Variants in MAP3K7 observed in about 807,000 individuals in gnomAD.
MAP3K7 encodes the protein mitogen-activated protein kinase kinase kinase 7.
MAP3K7 carries 21 observed loss-of-function variants against 84.8 expected under a neutral mutation model. The observed-to-expected ratio is 0.25, with a 90% CI of 0.18 to 0.36. The LOEUF is 0.36. MAP3K7 is among the 10% of genes least tolerant of loss of function. The pLI, the probability that MAP3K7 is intolerant of heterozygous loss-of-function variation, is 1.00. For missense variants in MAP3K7, 503 were observed against 747.7 expected (o/e 0.67, Z 3.82); for synonymous variants, 241 against 247.7 (o/e 0.97, Z 0.25).
chr6:90,536,410 A>G lies in MAP3K7; in HGVS notation c.1292-9T>C. On this transcript the variant is annotated splice_polypyrimidine_tract_variant and intron_variant, in intron 12 of 16. Transcript: ENST00000369329. ...TCTTGGCTGTCCGTTGCCTTTAAAA[A>G]GAAGAAAAAAAGTAAAATACTAAAA... 6.2e-7 allele frequency: 1 copy of G among 1,608,696 alleles called. No homozygotes were observed. The highest frequency in any genetic ancestry group is 8.5e-7 in the Non-Finnish European group (1 of 1,175,938).
At chr6:90,577,619 G>A (rs1214398882) in intron 1 of MAP3K7, among the ~76,000 whole-genome samples, 1 of 152,210 alleles carries the variant, frequency 6.6e-6, no homozygotes, top group Non-Finnish European at 1.5e-5. Flanking sequence ...CAAACTAGGA[G>A]AGAGTCAGAG....
At chr6:90,576,347 T>C (rs1338098431) in intron 1 of MAP3K7, among the ~76,000 whole-genome samples, 1 of 150,920 alleles carries the variant, frequency 6.6e-6, no homozygotes, top group Non-Finnish European at 1.5e-5. Flanking sequence ...GGCGTGAACC[T>C]GAGAGGCCGA....
In MAP3K7 at chr6:90,519,290, T is replaced by C. The variant is rs750911139; in HGVS notation, c.1492A>G (p.Met498Val). ...TGGTGATCCAGTGTAAGATAAGCCA[T>C]TGGGATGGAGTTATCTGATCCATTG... ...DTNGSDNSIPMAYLTLDHQLQ... is the reference protein window; with the variant it reads ...DTNGSDNSIPVAYLTLDHQLQ... Residue 498 changes from methionine (M) to valine (V), a missense_variant, in exon 15 of 17, where the codon ATG (methionine) becomes GTG (valine). By Grantham distance (21) the Met-to-Val change is conservative. Coordinates refer to ENST00000369329, the MANE Select transcript of MAP3K7 (RefSeq NM_145331.3). The C allele has an allele frequency of 1.3e-6, 2 of 1,588,368 alleles. No individual in the cohort carries two copies. The highest frequency in any genetic ancestry group is 1.7e-6 in the Non-Finnish European group (2 of 1,169,854).
chr6:90,569,779 ACTT>A (rs1209551101), intron 2 of MAP3K7, among the ~76,000 whole-genome samples: 1 of 152,012 alleles, frequency 6.6e-6, no homozygotes, highest in Non-Finnish European at 1.5e-5. Context: ...CTGTCTTCAA[ACTT>A]CTTTCTATTA....
At chr6:90,537,938 C>T (rs1775731177) in intron 12 of MAP3K7, among the ~76,000 whole-genome samples, 1 of 151,880 alleles carries the variant, frequency 6.6e-6, no homozygotes, top group Non-Finnish European at 1.5e-5. Context: ...TGAGGAACCA[C>T]CCGACACATG....
chr6:90,516,103 G>A lies in MAP3K7; in HGVS notation c.*398C>T, dbSNP rs1298353915. 5.6e-6 allele frequency: 1 copy of A among 179,324 alleles called. No homozygotes were observed. The highest frequency in any genetic ancestry group is 1.2e-5 in the Non-Finnish European group (1 of 86,140). The allele number at this position is 179,324 out of a possible 1,614,324, so 11.1% of individuals were successfully genotyped here. Reference sequence around the variant, plus strand: ...AAAAATTATTAATATTTTGAGATGAGATACAAGAATAAAGTCATTCTTGAG... The same window carrying A: ...AAAAATTATTAATATTTTGAGATGAAATACAAGAATAAAGTCATTCTTGAG... On this transcript the variant is annotated 3_prime_UTR_variant, in exon 17 of 17. Transcript: ENST00000369329.
intron 13 of MAP3K7, among the ~76,000 whole-genome samples, chr6:90,528,660 CAT>C (rs1482547238): frequency 6.6e-5 from 10 of 152,076 alleles, no homozygotes; most frequent in South Asian, 4.1e-4. Context: ...TTATGGGGCA[CAT>C]GAGATGTTTT....
At chr6:90,561,786 C>T (rs956131067) in intron 3 of MAP3K7, 119 bp from the exon 4 acceptor site, 1 of 753,276 alleles carries the variant, frequency 1.3e-6, no homozygotes, top group Non-Finnish European at 2.3e-6. Context: ...TTCTTTTGGC[C>T]CCTACTATGT....
intron 16 of MAP3K7, among the ~76,000 whole-genome samples, chr6:90,517,642 T>C (rs34821368): frequency 0.011 from 1,734 of 151,988 alleles, 36 homozygotes; most frequent in African/African-American, 0.04. Flanking sequence ...TAATTTCCTA[T>C]TTAGGCTTAC....
intron 13 of MAP3K7, among the ~76,000 whole-genome samples, chr6:90,524,253 A>C (rs1031209057): frequency 2.0e-5 from 3 of 152,130 alleles, no homozygotes; most frequent in Non-Finnish European, 4.4e-5. Flanking sequence ...AAAAAATCTG[A>C]CCTACAAAAG....
At chr6:90,540,861 A>G (rs1775834558) in intron 12 of MAP3K7, among the ~76,000 whole-genome samples, 1 of 151,882 alleles carries the variant, frequency 6.6e-6, no homozygotes, top group Non-Finnish European at 1.5e-5. Flanking sequence ...CCTCTTTGAC[A>G]TTTGGATTTT....
At chr6:90,516,956 C>T (rs1328209532) in intron 16 of MAP3K7, among the ~76,000 whole-genome samples, 1 of 151,842 alleles carries the variant, frequency 6.6e-6, no homozygotes, top group Non-Finnish European at 1.5e-5. Context: ...ATTTCATTTT[C>T]TATCCTCTTT....
intron 1 of MAP3K7, among the ~76,000 whole-genome samples, chr6:90,573,009 T>C (rs983221050): frequency 1.3e-5 from 2 of 152,148 alleles, no homozygotes; most frequent in Admixed American, 1.3e-4. Context: ...CTTAACCATA[T>C]TTATATGTAC....
intron 13 of MAP3K7, among the ~76,000 whole-genome samples, chr6:90,524,238 G>C (rs1775248177): frequency 2.0e-5 from 3 of 149,200 alleles, no homozygotes; most frequent in Admixed American, 2.0e-4. Context: ...ACTCAACTAG[G>C]AAAAAAAAAA....
intron 12 of MAP3K7, chr6:90,536,646 T>C (rs1390218183): frequency 2.3e-6 from 1 of 425,936 alleles, no homozygotes; most frequent in Non-Finnish European, 4.3e-6. Context: ...TATGTCCTAA[T>C]ACAATAACCA....
chr6:90,567,044 C>T (rs980872323), intron 3 of MAP3K7, among the ~76,000 whole-genome samples: 1 of 152,090 alleles, frequency 6.6e-6, no homozygotes. Flanking sequence ...CTTCCTTATA[C>T]CTTATACAAA....
chr6:90,568,399 T>C (rs924893935), intron 3 of MAP3K7, among the ~76,000 whole-genome samples, 159 bp downstream of exon 3: 14 of 152,148 alleles, frequency 9.2e-5, no homozygotes, highest in Non-Finnish European at 1.5e-4. Context: ...TCACTGCTGA[T>C]ATTTTAAAGT....
chr6:90,518,491 T>C lies in MAP3K7; in HGVS notation c.1596A>G (p.Glu532=). The stretch of plus-strand genomic sequence containing the variant: ...CAATTTCTGTTTGAACTTTCATATA[T>C]TCTTGTGCCATTTTACAATGCTGTT... ...VFEQHCKMAQ[E]YMKVQTEIAL... is the part of the protein sequence containing the mutation. The change falls in exon 16 of 17, where the codon GAA becomes GAG. Residue 532 remains glutamate, a synonymous_variant. Coordinates refer to ENST00000369329, the MANE Select transcript of MAP3K7 (RefSeq NM_145331.3). 6.2e-7 allele frequency: 1 copy of C among 1,608,738 alleles called. No homozygotes were observed.
chr6:90,544,665 A>G (rs756946973), intron 11 of MAP3K7, 33 bp from the exon 12 acceptor site: 1 of 1,507,670 alleles, frequency 6.6e-7, no homozygotes, highest in Non-Finnish European at 9.2e-7. Flanking sequence ...TATACATGCA[A>G]ACAACCACAA....
Sources: gnomAD v4.1 joint callset for allele counts (sites outside exome capture counted in the v4.1 genomes callset) on GRCh38, gnomAD v4.1.1 for gene constraint, MANE v1.5 for transcripts, NCBI Gene and HGNC (gene_info 2026-07-23, HGNC 2026-07-21) for gene names.